Variants in PRKD1 observed in about 807,000 individuals in gnomAD.
PRKD1 encodes the protein serine/threonine-protein kinase D1.
Under a neutral mutation model 95.9 loss-of-function variants are expected in PRKD1, and 63 were observed. That is an observed-to-expected ratio of 0.66 (90% CI 0.54 to 0.81). The LOEUF is 0.81. Ranked by LOEUF, PRKD1 falls within the 30% of genes least tolerant of loss-of-function variation. The probability of loss-of-function intolerance (pLI) is 0.00; values close to 1 mark genes in which losing one functional copy is unlikely to be tolerated. For missense variants in PRKD1, 1,048 were observed against 1,165.3 expected, an observed-to-expected ratio of 0.90 and a Z score of 1.47; for synonymous variants, 425 against 423.1, an observed-to-expected ratio of 1.00 and a Z score of -0.05.
At chr14:29,741,954 C>T (rs996395996) in intron 1 of PRKD1, among the ~76,000 whole-genome samples, 9 of 151,954 alleles carry the variant, frequency 5.9e-5, no homozygotes, top group African/African-American at 1.9e-4. Context: ...GATTTGGATG[C>T]TGGCATGGAT....
chr14:29,586,975 G>A (rs1390132362), intron 16 of PRKD1, among the ~76,000 whole-genome samples: 3 of 152,144 alleles, frequency 2.0e-5, no homozygotes, highest in Non-Finnish European at 2.9e-5. Flanking sequence ...TCAGTCCTGA[G>A]GGTTGACTAT....
intron 2 of PRKD1, among the ~76,000 whole-genome samples, chr14:29,676,530 T>C (rs1566532711): frequency 6.6e-6 from 1 of 152,160 alleles, no homozygotes; most frequent in Non-Finnish European, 1.5e-5. Flanking sequence ...AATTTTTGTA[T>C]TTTTAGTAGA....
At chr14:29,893,667 G>A (rs888151149) in intron 1 of PRKD1, among the ~76,000 whole-genome samples, 4 of 152,146 alleles carry the variant, frequency 2.6e-5, no homozygotes, top group African/African-American at 4.8e-5. Context: ...CTTTAGCAGT[G>A]GTTCTTAGTG....
intron 1 of PRKD1, among the ~76,000 whole-genome samples, chr14:29,818,324 T>C (rs953725299): frequency 1.3e-5 from 2 of 152,216 alleles, no homozygotes; most frequent in Non-Finnish European, 2.9e-5. Flanking sequence ...TGGGGATAAA[T>C]ATCCACAGCA....
chr14:29,828,466 C>T (rs1891281441), intron 1 of PRKD1, among the ~76,000 whole-genome samples: 1 of 152,090 alleles, frequency 6.6e-6, no homozygotes, highest in Non-Finnish European at 1.5e-5. Context: ...AGGCCCACCT[C>T]TAACATAGAG....
intron 1 of PRKD1, among the ~76,000 whole-genome samples, chr14:29,819,166 G>C (rs761464975): frequency 6.6e-6 from 1 of 152,142 alleles, no homozygotes; most frequent in Non-Finnish European, 1.5e-5. Flanking sequence ...TCTAAAGGAA[G>C]TTATTGGCTC....
chr14:29,630,068 C>CTCTTT (rs1342213884), intron 10 of PRKD1, among the ~76,000 whole-genome samples: 6 of 148,330 alleles, frequency 4.0e-5, no homozygotes, highest in Non-Finnish European at 7.4e-5. Flanking sequence ...TCTTTCTCTT[C>CTCTTT]CTCTTCCTCT....
chr14:29,692,676 CA>C (rs1403683720), intron 2 of PRKD1, among the ~76,000 whole-genome samples: 3 of 152,064 alleles, frequency 2.0e-5, no homozygotes, highest in Non-Finnish European at 4.4e-5. Flanking sequence ...AAAAAGGTGG[CA>C]TCACCATCCT....
intron 1 of PRKD1, among the ~76,000 whole-genome samples, chr14:29,829,461 C>T (rs937161955): frequency 2.0e-4 from 31 of 152,174 alleles, no homozygotes; most frequent in African/African-American, 7.0e-4. Context: ...AGTGTCACAG[C>T]GTGCTTTTCG....
At chr14:29,655,836 A>G (rs1364413099) in intron 4 of PRKD1, among the ~76,000 whole-genome samples, 1 of 151,978 alleles carries the variant, frequency 6.6e-6, no homozygotes. Context: ...ACACAAAAGG[A>G]TGGAAAGATC....
intron 13 of PRKD1, among the ~76,000 whole-genome samples, chr14:29,609,246 G>C (rs1878247924): frequency 6.6e-6 from 1 of 152,116 alleles, no homozygotes; most frequent in Non-Finnish European, 1.5e-5. Flanking sequence ...AGAAACAATA[G>C]TAAGTTGAAG....
Position 29,584,085 on chromosome 14 carries a change from G to C in PRKD1, c.2435-5725C>G, listed in dbSNP as rs45472091. The stretch of plus-strand genomic sequence containing the variant: ...AGGTGCACAAGGATACCTGAACAAA[G>C]ACAAAATTAAATGGTATATGCGGGT... On this transcript the variant is annotated intron_variant, in intron 16 of 17. Transcript: ENST00000331968. Among the ~76,000 whole-genome samples the C allele has an allele frequency of 4.0e-3, 605 of 152,252 alleles. 6 individuals are homozygous for C. Among genetic ancestry groups the C allele is most frequent in the African/African-American group, 0.014 (565 of 41,568 alleles).
intron 1 of PRKD1, among the ~76,000 whole-genome samples, chr14:29,767,857 T>A (rs1471005085): frequency 6.6e-6 from 1 of 152,250 alleles, no homozygotes; most frequent in Non-Finnish European, 1.5e-5. Context: ...ATAGATTTTT[T>A]AAAAGTTGTT....
chr14:29,628,123 T>G (rs1216871341), intron 11 of PRKD1, among the ~76,000 whole-genome samples: 2 of 152,220 alleles, frequency 1.3e-5, no homozygotes, highest in Non-Finnish European at 2.9e-5. Context: ...ATTTATCTCA[T>G]GATTGACAGC....
At chr14:29,913,659 T>G (rs576327385) in intron 1 of PRKD1, among the ~76,000 whole-genome samples, 1 of 152,234 alleles carries the variant, frequency 6.6e-6, no homozygotes, top group Non-Finnish European at 1.5e-5. Context: ...ACATTCCACA[T>G]TAGTAGATGA....
chr14:29,748,872 A>T (rs1015459927), intron 1 of PRKD1, among the ~76,000 whole-genome samples: 3 of 152,224 alleles, frequency 2.0e-5, no homozygotes, highest in Non-Finnish European at 4.4e-5. Flanking sequence ...AGTAAATGAG[A>T]GAGTGGTGAA....
intron 1 of PRKD1, among the ~76,000 whole-genome samples, chr14:29,919,456 AAAGT>A: frequency 6.7e-6 from 1 of 148,218 alleles, no homozygotes; most frequent in South Asian, 2.1e-4. Flanking sequence ...GAGACCAGAA[AAAGT>A]AAGAAACAGA....
chr14:29,831,007 T>G (rs1891387165), intron 1 of PRKD1, among the ~76,000 whole-genome samples: 1 of 152,154 alleles, frequency 6.6e-6, no homozygotes. Context: ...CTAAAATAAG[T>G]CTATAAAGAA....
At chr14:29,591,006 A>C (rs1893107329) in intron 16 of PRKD1, 2 of 152,148 alleles carry the variant, frequency 1.3e-5, no homozygotes, top group Non-Finnish European at 2.9e-5. Flanking sequence ...TGAACTCCTG[A>C]CCTCAGGTGA....
Sources: allele counts gnomAD v4.1 joint callset (sites outside exome capture counted in the v4.1 genomes callset), GRCh38; gene constraint gnomAD v4.1.1; transcripts MANE v1.5; gene names NCBI Gene and HGNC (gene_info 2026-07-23, HGNC 2026-07-21).